The following NFAM1 variants were observed in gnomAD, a reference collection of about 807,000 sequenced individuals.
The protein encoded by NFAM1 is NFAT activation molecule 1.
A neutral mutation model predicts 29.0 loss-of-function variants in NFAM1; 17 were observed. The observed-to-expected ratio is 0.59, with a 90% CI of 0.40 to 0.88. The LOEUF (loss-of-function observed/expected upper bound fraction) is 0.88. NFAM1 is among the 40% of genes least tolerant of loss of function. The pLI, the probability that NFAM1 is intolerant of heterozygous loss-of-function variation, is 0.00. For missense variants in NFAM1, 324 were observed against 344.6 expected (o/e 0.94, Z 0.47); for synonymous variants, 175 against 147.2 (o/e 1.19, Z -1.36).
At chr22:42,425,692 C>T (rs112986863) in intron 1 of NFAM1, among the ~76,000 whole-genome samples, 5,811 of 152,282 alleles carry the variant, frequency 0.038, 119 homozygotes, top group South Asian at 0.046. Flanking sequence ...CAGACCCTCT[C>T]TCTTTGACCT....
chr22:42,398,351 C>T (rs1214652945), intron 3 of NFAM1, among the ~76,000 whole-genome samples: 1 of 130,920 alleles, frequency 7.6e-6, no homozygotes, highest in African/African-American at 3.3e-5. Flanking sequence ...TGGCCTCGAG[C>T]GAGCCAGTTC....
chr22:42,423,094 C>T (rs937854630), intron 1 of NFAM1, among the ~76,000 whole-genome samples: 1 of 114,420 alleles, frequency 8.7e-6, no homozygotes, highest in Non-Finnish European at 1.7e-5. Flanking sequence ...GGCTAGGCGA[C>T]AGAGCAAGAC....
chr22:42,387,921 A>C (rs1386301780), intron 4 of NFAM1, among the ~76,000 whole-genome samples: 2 of 152,160 alleles, frequency 1.3e-5, no homozygotes. Context: ...CGGCTCCTGC[A>C]CTGGGTCATG....
At chr22:42,411,778 G>C (rs1184009255) in intron 1 of NFAM1, 42 bp from the exon 2 acceptor site, 22 of 1,431,956 alleles carry the variant, frequency 1.5e-5, no homozygotes, top group Non-Finnish European at 2.1e-5. Context: ...GTCACTTGAG[G>C]CTGCCTCAGT....
At chr22:42,385,677 C>A (rs769295486) in intron 5 of NFAM1, among the ~76,000 whole-genome samples, 4 of 151,824 alleles carry the variant, frequency 2.6e-5, no homozygotes, top group Non-Finnish European at 5.9e-5. Flanking sequence ...ATGGGGTCAG[C>A]GACCTATTCC....
chr22:42,394,367 T>A (rs113189582), intron 4 of NFAM1, among the ~76,000 whole-genome samples: 167 of 151,860 alleles, frequency 1.1e-3, no homozygotes, highest in African/African-American at 3.7e-3. Flanking sequence ...CTTATTAATT[T>A]AAAAAAAAAT....
Position 42,382,644 on chromosome 22 carries a change from C to T in NFAM1, c.*2517G>A, listed in dbSNP as rs1250257852. 2 of 152,742 alleles carry T rather than the reference C, an allele frequency of 1.3e-5. No individual in the cohort carries two copies. Among genetic ancestry groups the T allele is most frequent in the Non-Finnish European group, 2.9e-5 (2 of 68,370 alleles). The allele number at this position is 152,742 out of a possible 1,614,324, so 9.5% of individuals were successfully genotyped here. ...CCCTGAAGTTCCCTGCCACCCCTCG[C>T]CCTGTGCCAGCTTGTCTCTGCAGGC... is the stretch of plus-strand genomic sequence containing the variant. On this transcript the variant is annotated 3_prime_UTR_variant, in exon 6 of 6. Transcript: ENST00000329021.
At position 42,419,758 on chromosome 22, in the gene NFAM1, T is replaced by C. The variant is rs969449193; in HGVS notation, c.122-8022A>G. Among the ~76,000 whole-genome samples the C allele has an allele frequency of 3.9e-5, 6 of 152,174 alleles. No homozygotes were observed. Among genetic ancestry groups the C allele is most frequent in the Non-Finnish European group, 7.3e-5 (5 of 68,038 alleles). On this transcript the variant is annotated intron_variant, in intron 1 of 5. Transcript: ENST00000329021. This position sits in a 1 kb window ranked among gnomAD's most constrained non-coding sequence, Gnocchi z 4.5. ...GGGGTCCCCCTCTGTCTCCAGGACA[T>C]GCTCACTTCCTCCCTGAGCCACTCC...
chr22:42,425,191 G>T (rs1029600732), intron 1 of NFAM1, among the ~76,000 whole-genome samples: 1 of 152,060 alleles, frequency 6.6e-6, no homozygotes, highest in African/African-American at 2.4e-5. Flanking sequence ...CCAAAGTGCG[G>T]GATTACAGGT....
At chr22:42,418,900 T>A (rs1198133653) in intron 1 of NFAM1, among the ~76,000 whole-genome samples, 1 of 152,168 alleles carries the variant, frequency 6.6e-6, no homozygotes, top group Non-Finnish European at 1.5e-5. Flanking sequence ...TGTGCAGGGC[T>A]GGGGGCATGA....
intron 1 of NFAM1, among the ~76,000 whole-genome samples, chr22:42,422,206 C>T (rs902020107): frequency 2.0e-5 from 3 of 152,130 alleles, no homozygotes; most frequent in East Asian, 1.9e-4. Flanking sequence ...GTACGGTGGC[C>T]GCTCGGGGAC....
chr22:42,393,074 GT>G (rs960080016), intron 4 of NFAM1, among the ~76,000 whole-genome samples: 48 of 151,788 alleles, frequency 3.2e-4, no homozygotes, highest in Admixed American at 2.7e-3. Flanking sequence ...AATAGGTCAA[GT>G]TTTTTTTAAA....
At chr22:42,405,361 G>A (rs948961747) in intron 3 of NFAM1, among the ~76,000 whole-genome samples, 1 of 152,172 alleles carries the variant, frequency 6.6e-6, no homozygotes, top group Non-Finnish European at 1.5e-5. Flanking sequence ...GCAGGCGGGG[G>A]GAGTCCCTTG....
At position 42,409,918 on chromosome 22, in the gene NFAM1, C is replaced by A. The variant is rs934470683; in HGVS notation, c.452-371G>T. Among the ~76,000 whole-genome samples the A allele has an allele frequency of 6.6e-6, 1 of 152,102 alleles. No homozygotes were observed. The highest frequency in any genetic ancestry group is 1.5e-5 in the Non-Finnish European group (1 of 68,002). ...TGGATGTGGCTAGGGCTGAAGGAGG[C>A]GGATTTATCCTGGGACTGACAGGGG... is the stretch of plus-strand genomic sequence containing the variant. On this transcript the variant is annotated intron_variant, in intron 2 of 5. Coordinates refer to ENST00000329021, the MANE Select transcript of NFAM1 (RefSeq NM_145912.8). The surrounding 1 kb of genome is among the most constrained non-coding windows in gnomAD (Gnocchi z 4.9).
At chr22:42,416,087 C>T (rs190477922) in intron 1 of NFAM1, among the ~76,000 whole-genome samples, 116 of 152,238 alleles carry the variant, frequency 7.6e-4, no homozygotes, top group African/African-American at 2.7e-3. Context: ...AGAAAAATTA[C>T]AGGAATTGTA....
intron 3 of NFAM1, among the ~76,000 whole-genome samples, chr22:42,400,876 G>A (rs918309628): frequency 1.3e-5 from 2 of 152,228 alleles, no homozygotes; most frequent in African/African-American, 4.8e-5. Context: ...CACCAGGGCT[G>A]AGGATGTGAG....
intron 1 of NFAM1, among the ~76,000 whole-genome samples, chr22:42,413,006 A>C (rs1468484965): frequency 6.6e-6 from 1 of 152,114 alleles, no homozygotes; most frequent in Non-Finnish European, 1.5e-5. Flanking sequence ...CAGGCCTCTG[A>C]GATGCTGTTT....
In NFAM1 at chr22:42,431,447, G is replaced by A. The variant is rs1930793791; in HGVS notation, c.121+790C>T. Among the ~76,000 whole-genome samples, 3 of 152,180 alleles carry A rather than the reference G, an allele frequency of 2.0e-5. No homozygotes were observed. In the South Asian group the frequency reaches 6.2e-4, roughly 31 times the overall value. ...CCTTTGGCCAGAGGGAGGGTTGGCT[G>A]CTGCCCGGCCAAGGAGGGGCAGAGA... is the stretch of plus-strand genomic sequence containing the variant. On this transcript the variant is annotated intron_variant, in intron 1 of 5. Coordinates refer to ENST00000329021, the MANE Select transcript of NFAM1 (RefSeq NM_145912.8).
At chr22:42,403,641 G>A (rs1929799202) in intron 3 of NFAM1, among the ~76,000 whole-genome samples, 1 of 152,222 alleles carries the variant, frequency 6.6e-6, no homozygotes, top group Non-Finnish European at 1.5e-5. Context: ...TTAATGACAG[G>A]TGTGAAAGGG....
Sources: allele counts gnomAD v4.1 joint callset (sites outside exome capture counted in the v4.1 genomes callset), GRCh38; gene constraint gnomAD v4.1.1; non-coding constraint Gnocchi (gnomAD v3.1); transcripts MANE v1.5; gene names NCBI Gene and HGNC (gene_info 2026-07-23, HGNC 2026-07-21).